Variants in SPATA31C1 observed in about 807,000 individuals in gnomAD.
The protein encoded by SPATA31C1 is SPATA31 subfamily C member 1, also known as spermatogenesis-associated protein 31C1.
rs768231516 is a variant in SPATA31C1, at chr9:87,921,756, A to T, written n.2146A>T. 7.4e-6 allele frequency: 12 copies of T among 1,612,038 alleles called. No homozygotes were observed. The highest frequency in any genetic ancestry group is 2.3e-4 in the Middle Eastern group (1 of 4,430). On this transcript the variant is annotated non_coding_transcript_exon_variant, in exon 5 of 5. Transcript: ENST00000420021. ...TGTCAACCAGGCTTTTCCCGTATCC[A>T]ACACCCACGTGAAAACCAGCAATCT...
chr9:87,922,497 G>T, exon 5 of SPATA31C1: 4 of 1,610,656 alleles, frequency 2.5e-6, no homozygotes, highest in Non-Finnish European at 3.4e-6. Context: ...GGCTGTTAGT[G>T]AATTTGAGCC....
chr9:87,923,240 C>G, exon 5 of SPATA31C1: 1 of 1,603,550 alleles, frequency 6.2e-7, no homozygotes, highest in Non-Finnish European at 8.5e-7. Context: ...CAGACCACAG[C>G]AGAATGCTGA....
chr9:87,919,494 C>T (rs1174383034), intron 3 of SPATA31C1, 146 bp downstream of exon 2: 125 of 1,296,290 alleles, frequency 9.6e-5, no homozygotes, highest in African/African-American at 5.5e-5. Context: ...GATTCTGTGC[C>T]GCCGGAATGA....
chr9:87,921,660 C>T, exon 5 of SPATA31C1: 1 of 1,612,006 alleles, frequency 6.2e-7, no homozygotes, highest in Non-Finnish European at 8.5e-7. Flanking sequence ...CCTGAAAGCC[C>T]ACATGGGCAG....
At chr9:87,922,380 A>C in exon 5 of SPATA31C1, 1 of 1,610,480 alleles carries the variant, frequency 6.2e-7, no homozygotes, top group Non-Finnish European at 8.5e-7. Flanking sequence ...CCTCCAAGCC[A>C]CAAGTGAGGA....
rs774188022 is a variant in SPATA31C1 at position 87,920,241 on chromosome 9, G to C, written n.642-11G>C. On this transcript the variant is annotated splice_polypyrimidine_tract_variant and intron_variant and non_coding_transcript_variant, in intron 4 of 4. Coordinates refer to ENST00000420021, the Ensembl canonical transcript of SPATA31C1. ...CTCCTGGCTGCAGCTTGTGCCTCCT[G>C]TCTCCTGCAGCCTCCTGGGGCCACA... 1.2e-6 allele frequency: 2 copies of C among 1,612,712 alleles called. No individual in the cohort carries two copies. The highest frequency in any genetic ancestry group is 1.7e-6 in the Non-Finnish European group (2 of 1,179,476).
At chr9:87,923,270 A>G in exon 5 of SPATA31C1, 2 of 1,603,744 alleles carry the variant, frequency 1.2e-6, no homozygotes, top group African/African-American at 1.3e-5. Flanking sequence ...CCAGCAGTCA[A>G]CAAGCCACTC....
rs745481660 is a variant in SPATA31C1, at chr9:87,921,255, C to T, written n.1645C>T. ...GACATCCATTCTGCCTGAGAACTTTCCAGTCAGTCCTGAACTCTGGAGACA... is the reference window on the plus strand; with the variant it reads ...GACATCCATTCTGCCTGAGAACTTTTCAGTCAGTCCTGAACTCTGGAGACA... On this transcript the variant is annotated non_coding_transcript_exon_variant, in exon 5 of 5. Transcript: ENST00000420021. 13 of 1,611,876 alleles carry T rather than the reference C, an allele frequency of 8.1e-6. No individual in the cohort carries two copies. The African/African-American group carries it at 1.7e-4, about 22-fold the overall frequency.
chr9:87,922,209 G>T (rs1828893540), exon 5 of SPATA31C1: 1 of 1,613,216 alleles, frequency 6.2e-7, no homozygotes, highest in Non-Finnish European at 8.5e-7. Flanking sequence ...GGCTCCTACA[G>T]CTGGACAGGA....
chr9:87,920,508 C>A, exon 5 of SPATA31C1: 7 of 1,613,954 alleles, frequency 4.3e-6, no homozygotes, highest in Non-Finnish European at 5.9e-6. Flanking sequence ...GCCACCAGAA[C>A]CTTCCCTTCT....
exon 5 of SPATA31C1, chr9:87,921,047 C>T (rs1172231416): frequency 1.6e-5 from 26 of 1,611,480 alleles, no homozygotes; most frequent in African/African-American, 2.7e-5. Flanking sequence ...CGATGAAGAA[C>T]ACTGGAGTAG....
intron 1 of SPATA31C1, among the ~76,000 whole-genome samples, chr9:87,915,485 G>T (rs1203702851): frequency 1.4e-5 from 2 of 145,424 alleles, no homozygotes; most frequent in African/African-American, 2.5e-5. Flanking sequence ...CGTATTTTTA[G>T]TAGAGATGGG....
At chr9:87,921,876 G>A in exon 5 of SPATA31C1, 7 of 1,612,050 alleles carry the variant, frequency 4.3e-6, no homozygotes, top group Non-Finnish European at 5.9e-6. Flanking sequence ...AGCCCATATT[G>A]TGAGGTTTTG....
At chr9:87,919,284 C>G (rs769983651) in intron 2 of SPATA31C1, 1 of 1,589,506 alleles carries the variant, frequency 6.3e-7, no homozygotes, top group Admixed American at 1.9e-5. Flanking sequence ...GTCATCTTGT[C>G]TCCCAGTGTC....
At chr9:87,915,532 T>C (rs1170002097) in intron 1 of SPATA31C1, among the ~76,000 whole-genome samples, 187 of 144,522 alleles carry the variant, frequency 1.3e-3, no homozygotes, top group African/African-American at 4.4e-3. Context: ...AACTCTTGAC[T>C]TTAGGTGATC....
At chr9:87,916,971 T>TGG (rs917022596) in intron 1 of SPATA31C1, among the ~76,000 whole-genome samples, 5 of 77,076 alleles carry the variant, frequency 6.5e-5, no homozygotes, top group African/African-American at 2.4e-4. Flanking sequence ...CACTCCAGCC[T>TGG]GGGCAACAGA....
chr9:87,916,896 C>T (rs1828738918), intron 1 of SPATA31C1, among the ~76,000 whole-genome samples: 1 of 65,956 alleles, frequency 1.5e-5, no homozygotes, highest in African/African-American at 4.6e-5. Context: ...ACTCGGGAGG[C>T]TGAGGCAGGA....
Position 87,922,079 on chromosome 9 carries a change from A to C in SPATA31C1, n.2469A>C, listed in dbSNP as rs559309371. 4.3e-5 allele frequency: 70 copies of C among 1,613,922 alleles called. No individual in the cohort carries two copies. The East Asian group carries it at 1.4e-3, about 33-fold the overall frequency. On this transcript the variant is annotated non_coding_transcript_exon_variant, in exon 5 of 5. Coordinates refer to ENST00000420021, the Ensembl canonical transcript of SPATA31C1. ...CACCAATGGCAAGTCTGAGAAAGCA[A>C]GTGCTGACCAAACCATCTGTTCACA...
chr9:87,915,673 C>T (rs1828700575), intron 1 of SPATA31C1, among the ~76,000 whole-genome samples: 1 of 143,670 alleles, frequency 7.0e-6, no homozygotes, highest in Non-Finnish European at 1.5e-5. Context: ...CTAACTGCTC[C>T]AGAACCACTG....
Sources: gnomAD v4.1 joint callset for allele counts (sites outside exome capture counted in the v4.1 genomes callset) on GRCh38, gnomAD v4.1.1 for gene constraint, MANE v1.5 for transcripts, NCBI Gene and HGNC (gene_info 2026-07-23, HGNC 2026-07-21) for gene names.